Variants in SS18L1 observed in about 807,000 individuals in gnomAD.
SS18L1 encodes SS18L1 subunit of BAF chromatin remodeling complex.
SS18L1 carries 32 observed loss-of-function variants against 70.3 expected under a neutral mutation model. The observed-to-expected ratio is 0.46, with a 90% CI of 0.34 to 0.61. The LOEUF (loss-of-function observed/expected upper bound fraction) is 0.61. SS18L1 is among the 20% of genes least tolerant of loss of function. The probability of loss-of-function intolerance (pLI) is 0.01; values close to 1 mark genes in which losing one functional copy is unlikely to be tolerated. For synonymous variants in SS18L1, 237 were observed against 229.7 expected, an observed-to-expected ratio of 1.03 and a Z score of -0.29; for missense variants, 430 against 542.1, an observed-to-expected ratio of 0.79 and a Z score of 2.05.
intron 8 of SS18L1, among the ~76,000 whole-genome samples, chr20:62,168,762 T>C (rs1465320099): frequency 6.6e-6 from 1 of 152,148 alleles, no homozygotes; most frequent in Admixed American, 6.5e-5. Flanking sequence ...TGTACTTAAC[T>C]ATGATCACAC....
Position 62,159,856 on chromosome 20 carries a change from T to C in SS18L1, c.147-21T>C, listed in dbSNP as rs774718428. The C allele has an allele frequency of 4.3e-6, 7 of 1,610,390 alleles. No homozygotes were observed. The Admixed American group carries it at 1.0e-4, about 23-fold the overall frequency. On this transcript the variant is annotated intron_variant, in intron 2 of 10. Transcript: ENST00000331758. The surrounding 1 kb of genome is among the most constrained non-coding windows in gnomAD (Gnocchi z 4.4). ...TCTGTGGTCCCGTCGTCCTGCCTCATGCGTGCCCCCTCTCCTGCAGGTACC... is the reference window on the plus strand; with the variant it reads ...TCTGTGGTCCCGTCGTCCTGCCTCACGCGTGCCCCCTCTCCTGCAGGTACC...
chr20:62,172,317 G>A (rs1173246446), intron 8 of SS18L1, among the ~76,000 whole-genome samples: 1 of 148,062 alleles, frequency 6.8e-6, no homozygotes, highest in African/African-American at 2.6e-5. Context: ...CCAGAGCGAG[G>A]CCCTGTCTCT....
rs202018318 is a variant in SS18L1, at chr20:62,163,500, C to T, written c.599C>T (p.Ser200Leu). The change falls in exon 6 of 11, where the codon TCG becomes TTG. Residue 200 changes from serine to leucine, a missense_variant. Ser to Leu is a moderately radical substitution (Grantham distance 145, BLOSUM62 -2). Coordinates refer to ENST00000331758, the MANE Select transcript of SS18L1 (RefSeq NM_198935.3). ...QQQAATSHYS[S>L]AQGGSQHYQG... The stretch of plus-strand genomic sequence containing the variant: ...CAGGCGGCCACGTCGCACTACAGCT[C>T]GGCGCAGGGCGGCAGCCAGCACTAC... 20 of 1,612,100 alleles carry T rather than the reference C, an allele frequency of 1.2e-5. No individual in the cohort carries two copies. Among genetic ancestry groups the T allele is most frequent in the African/African-American group, 2.7e-5 (2 of 75,020 alleles).
intron 1 of SS18L1, among the ~76,000 whole-genome samples, chr20:62,145,612 A>G (rs3761224): frequency 0.032 from 4,860 of 152,304 alleles, 212 homozygotes; most frequent in African/African-American, 0.088. Context: ...AAAAGTGTGT[A>G]TTGAGGTGCT....
At position 62,174,073 on chromosome 20, in the gene SS18L1, C is replaced by T. The variant is rs1314333141; in HGVS notation, c.1037-444C>T. Among the ~76,000 whole-genome samples, 1 of 152,108 alleles carries T rather than the reference C, an allele frequency of 6.6e-6. No individual in the cohort carries two copies. The highest frequency in any genetic ancestry group is 2.4e-5 in the African/African-American group (1 of 41,410). On this transcript the variant is annotated intron_variant, in intron 9 of 10. Coordinates refer to ENST00000331758, the MANE Select transcript of SS18L1 (RefSeq NM_198935.3). The surrounding 1 kb of genome is among the most constrained non-coding windows in gnomAD (Gnocchi z 4.1). Reference sequence around the variant, plus strand: ...GTTCTTGCCGGAGCCTTTGACTTAGCCTTCCTAGAGACGATGTCTCTGTCT... The same window carrying T: ...GTTCTTGCCGGAGCCTTTGACTTAGTCTTCCTAGAGACGATGTCTCTGTCT...
chr20:62,172,558 A>T, intron 8 of SS18L1, 124 bp from the exon 9 acceptor site: 1 of 1,417,828 alleles, frequency 7.1e-7, no homozygotes, highest in Non-Finnish European at 9.8e-7. Flanking sequence ...GTGAAAAAAT[A>T]AACATGCCGA....
intron 4 of SS18L1, 143 bp from the exon 5 acceptor site, chr20:62,162,609 T>G: frequency 1.2e-6 from 1 of 848,306 alleles, no homozygotes; most frequent in Non-Finnish European, 1.7e-6. Flanking sequence ...CGGCCACTTA[T>G]TTATTAGTCA....
intron 10 of SS18L1, chr20:62,175,289 G>T: frequency 1.0e-6 from 1 of 985,470 alleles, no homozygotes; most frequent in Non-Finnish European, 1.2e-6. Context: ...GAGGAGGCCG[G>T]TGTGGCGGGA....
chr20:62,172,089 G>C (rs915149502), intron 8 of SS18L1, among the ~76,000 whole-genome samples: 11 of 151,928 alleles, frequency 7.2e-5, no homozygotes, highest in Non-Finnish European at 1.0e-4. Context: ...GTGAACCCGG[G>C]TGGGGCGGAG....
intron 10 of SS18L1, 22 bp from the exon 11 acceptor site, chr20:62,179,160 T>C: frequency 1.9e-6 from 3 of 1,614,088 alleles, no homozygotes; most frequent in South Asian, 2.2e-5. Context: ...AGGGGTGTAA[T>C]CTGTGTCTTG....
At chr20:62,154,947 G>A (rs2057196537) in intron 1 of SS18L1, among the ~76,000 whole-genome samples, 1 of 152,140 alleles carries the variant, frequency 6.6e-6, no homozygotes, top group Admixed American at 6.5e-5. Context: ...CCGCCCCTCT[G>A]TTGAATTGTG....
chr20:62,165,173 C>T (rs951550558), intron 7 of SS18L1, among the ~76,000 whole-genome samples: 31 of 152,234 alleles, frequency 2.0e-4, no homozygotes, highest in Non-Finnish European at 1.0e-4. Context: ...GCACTGAAAG[C>T]GCTGATCCTC....
chr20:62,165,108 G>C (rs2057403356), intron 7 of SS18L1, among the ~76,000 whole-genome samples: 1 of 152,238 alleles, frequency 6.6e-6, no homozygotes, highest in South Asian at 2.1e-4. Context: ...GTCCTCCCAG[G>C]AGCTAGCGGT....
chr20:62,160,286 GT>G (rs1568747786), intron 3 of SS18L1, among the ~76,000 whole-genome samples: 3 of 93,280 alleles, frequency 3.2e-5, no homozygotes, highest in African/African-American at 2.3e-4. Flanking sequence ...ATGGGGAGAG[GT>G]GGGGTGGGGA....
rs542129130 is a variant in SS18L1, at chr20:62,181,856, T to A, written c.*2648T>A. The A allele has an allele frequency of 1.3e-5, 3 of 227,990 alleles. No homozygotes were observed. Among genetic ancestry groups the A allele is most frequent in the South Asian group, 1.8e-4 (1 of 5,494 alleles). 14.1% of individuals were successfully genotyped at this position (227,990 alleles called of 1,614,324 possible). ...GGTGCTTTGTTTTTTTCTGACTACT[T>A]CTATGGAAGGCCAGTGAAGAAGCAA... On this transcript the variant is annotated 3_prime_UTR_variant, in exon 11 of 11. Coordinates refer to ENST00000331758, the MANE Select transcript of SS18L1 (RefSeq NM_198935.3).
Position 62,157,048 on chromosome 20 carries a change from T to C in SS18L1, c.70-1624T>C, listed in dbSNP as rs2057235760. 4.7e-5 allele frequency among the ~76,000 whole-genome samples: 7 copies of C among 150,002 alleles called. No individual in the cohort carries two copies. In the South Asian group the frequency reaches 1.3e-3, roughly 27 times the overall value. Reference sequence around the variant, plus strand: ...TCTCAGTCCCCTCCCATACCCCCTCTCTCCTCTCTCGCCTCCCGTTGGGTC... The same window carrying C: ...TCTCAGTCCCCTCCCATACCCCCTCCCTCCTCTCTCGCCTCCCGTTGGGTC... On this transcript the variant is annotated intron_variant, in intron 1 of 10. Coordinates refer to ENST00000331758, the MANE Select transcript of SS18L1 (RefSeq NM_198935.3).
chr20:62,154,228 A>G, intron 1 of SS18L1: 5 of 702,530 alleles, frequency 7.1e-6, no homozygotes, highest in Middle Eastern at 1.3e-3. Context: ...CCCTGGGACC[A>G]TGTCTGTTGA....
At chr20:62,173,337 C>T (rs551232319) in intron 9 of SS18L1, among the ~76,000 whole-genome samples, 6 of 152,242 alleles carry the variant, frequency 3.9e-5, no homozygotes, top group East Asian at 3.9e-4. Flanking sequence ...GCTCCACACA[C>T]GTGGTTTCTT....
At position 62,180,950 on chromosome 20, in the gene SS18L1, G is replaced by T. The variant is rs2057696833; in HGVS notation, c.*1742G>T. ...AGTTAAAATTAATTCTTTATCCAGA[G>T]TCGGGTGCTTTAGAATTTATAAGTC... On this transcript the variant is annotated 3_prime_UTR_variant, in exon 11 of 11. Transcript: ENST00000331758. 1.7e-5 allele frequency: 3 copies of T among 179,340 alleles called. No individual in the cohort carries two copies. In the East Asian group the frequency reaches 2.8e-4, roughly 17 times the overall value. 11.1% of individuals were successfully genotyped at this position (179,340 alleles called of 1,614,324 possible).
Sources: gnomAD v4.1 joint callset for allele counts (sites outside exome capture counted in the v4.1 genomes callset) on GRCh38, gnomAD v4.1.1 for gene constraint, Gnocchi (gnomAD v3.1) non-coding constraint, MANE v1.5 for transcripts, NCBI Gene and HGNC (gene_info 2026-07-23, HGNC 2026-07-21) for gene names.